Variants in SMG7 observed in about 807,000 individuals in gnomAD.
The protein encoded by SMG7 is SMG7 nonsense mediated mRNA decay factor.
Under a neutral mutation model 148.2 loss-of-function variants are expected in SMG7, and 34 were observed. The ratio of observed to expected loss-of-function variants is 0.23; its 90% confidence interval spans 0.17 to 0.31. SMG7 has a LOEUF of 0.31. Among genes scored for constraint, SMG7 ranks in the 10% least tolerant of loss-of-function variants. The pLI, the probability that SMG7 is intolerant of heterozygous loss-of-function variation, is 1.00. For missense variants in SMG7, 1,114 were observed against 1,408.4 expected (o/e 0.79, Z 3.35); for synonymous variants, 492 against 515.1 (o/e 0.96, Z 0.61).
At position 183,550,866 on chromosome 1, in the gene SMG7, G is replaced by C; in HGVS notation, c.3249G>C (p.Gly1083=). ...CATTCTCCAATTTTGGACCCATTGGGACTCCAGATAACAGGGATAGAAGGA... is the reference window on the plus strand; with the variant it reads ...CATTCTCCAATTTTGGACCCATTGGCACTCCAGATAACAGGGATAGAAGGA... ...SVPFSNFGPI[G]TPDNRDRRTA... The change falls in exon 21 of 23, where the codon GGG becomes GGC. Residue 1083 remains glycine (G), a synonymous_variant. Coordinates refer to ENST00000688051, the MANE Select transcript of SMG7 (RefSeq NM_001375584.1). 6.2e-7 allele frequency: 1 copy of C among 1,614,086 alleles called. No individual in the cohort carries two copies. The highest frequency in any genetic ancestry group is 8.5e-7 in the Non-Finnish European group (1 of 1,179,986).
intron 1 of SMG7, 33 bp downstream of exon 1, chr1:183,472,682 G>C (rs1258369608): frequency 3.8e-5 from 56 of 1,458,326 alleles, no homozygotes; most frequent in Non-Finnish European, 4.8e-5. Context: ...TACGTAGGGG[G>C]AGCGGGCCGC....
chr1:183,537,112 A>C (rs954547357), intron 10 of SMG7, 33 bp from the exon 11 acceptor site: 7 of 1,516,626 alleles, frequency 4.6e-6, no homozygotes, highest in Non-Finnish European at 5.5e-6. Flanking sequence ...TCTTACATAA[A>C]AATAAAGTCT....
intron 2 of SMG7, among the ~76,000 whole-genome samples, chr1:183,514,481 C>T (rs1663010710): frequency 6.6e-6 from 1 of 152,156 alleles, no homozygotes; most frequent in Non-Finnish European, 1.5e-5. Flanking sequence ...AGTGTCTGCT[C>T]TGAGTTACTG....
Position 183,472,637 on chromosome 1 carries a change from C to A in SMG7, c.17C>A (p.Ala6Glu). The A allele has an allele frequency of 6.8e-7, 1 of 1,466,270 alleles. No homozygotes were observed. Among genetic ancestry groups the A allele is most frequent in the Non-Finnish European group, 9.1e-7 (1 of 1,098,992 alleles). 90.8% of individuals were successfully genotyped at this position (1,466,270 alleles called of 1,614,324 possible). A position where few individuals can be genotyped will look rare whatever the true frequency, so the allele number is the denominator to read the frequency against. MSLQSAQYLRQAEVLK... is the reference protein window; with the variant it reads MSLQSEQYLRQAEVLK... The stretch of plus-strand genomic sequence containing the variant: ...CGGCGGAGGATGAGCCTGCAGAGCG[C>A]GCAGTACCTCCGGTGAGTGCCGAGG... The change falls in exon 1 of 23, where the codon GCG (alanine) becomes GAG (glutamate). Residue 6 changes from alanine (A) to glutamate (E), a missense_variant. Physicochemically the swap from Ala to Glu is moderately radical, Grantham distance 107. Around this residue, in one of 4 missense-constraint regions of SMG7, gnomAD observed 216 missense variants for 329.1 expected, o/e 0.66. Transcript: ENST00000688051.
At chr1:183,499,931 C>T (rs1659374627) in intron 1 of SMG7, among the ~76,000 whole-genome samples, 1 of 151,978 alleles carries the variant, frequency 6.6e-6, no homozygotes, top group Non-Finnish European at 1.5e-5. Context: ...CTAAGGTGGT[C>T]TTATCTGACC....
intron 1 of SMG7, among the ~76,000 whole-genome samples, chr1:183,486,162 G>T (rs759172885): frequency 2.6e-5 from 4 of 152,108 alleles, no homozygotes; most frequent in Non-Finnish European, 5.9e-5. Context: ...TAAGAGGAGG[G>T]CTTTCTCTTA....
rs1488105836 is a variant in SMG7, at chr1:183,517,834, T to G, written c.312+14T>G. ...TTCTATACTCAGGTGAGTTCTGCATTGTATACCAGTTTTCTTACTATTAGT... is the reference window on the plus strand; with the variant it reads ...TTCTATACTCAGGTGAGTTCTGCATGGTATACCAGTTTTCTTACTATTAGT... On this transcript the variant is annotated intron_variant, in intron 4 of 22. Coordinates refer to ENST00000688051, the MANE Select transcript of SMG7 (RefSeq NM_001375584.1). 1 of 1,613,520 alleles carries G rather than the reference T, an allele frequency of 6.2e-7. No individual in the cohort carries two copies. The highest frequency in any genetic ancestry group is 8.5e-7 in the Non-Finnish European group (1 of 1,179,488).
chr1:183,552,198 G>A lies in SMG7; in HGVS notation c.*267G>A, dbSNP rs1344764428. The A allele has an allele frequency of 9.0e-7, 1 of 1,105,034 alleles. No individual in the cohort carries two copies. The highest frequency in any genetic ancestry group is 1.6e-5 in the African/African-American group (1 of 61,482). The allele number at this position is 1,105,034 out of a possible 1,614,324, so 68.5% of individuals were successfully genotyped here. ...GCTGTTTATCTCACTCAGTTACTTG[G>A]TATCACCGCCTCTCACCTTCTCCAT... is the stretch of plus-strand genomic sequence containing the variant. On this transcript the variant is annotated 3_prime_UTR_variant, in exon 23 of 23. Transcript: ENST00000688051.
chr1:183,472,543 CGGTGCCGCGGGGCCGCTCCGAG>C lies in SMG7; in HGVS notation c.-76_-55del. 7.6e-7 allele frequency: 1 copy of C among 1,318,650 alleles called. No homozygotes were observed. Among genetic ancestry groups the C allele is most frequent in the Non-Finnish European group, 9.8e-7 (1 of 1,018,340 alleles). The allele number at this position is 1,318,650 out of a possible 1,614,324, so 81.7% of individuals were successfully genotyped here. On this transcript the variant is annotated 5_prime_UTR_variant, in exon 1 of 23. An upstream open reading frame in the 5' UTR loses its in-frame stop. Coordinates refer to ENST00000688051, the MANE Select transcript of SMG7 (RefSeq NM_001375584.1). ...AGATGGCGGCGGCCGCCAGCACCCG[CGGTGCCGCGGGGCCGCTCCGAG>C]GAGCCTGAGAGACCCACGGAGGCTT...
In SMG7 at chr1:183,548,871, A is replaced by G. The variant is rs789179; in HGVS notation, c.2893-337A>G. On this transcript the variant is annotated intron_variant, in intron 18 of 22. Coordinates refer to ENST00000688051, the MANE Select transcript of SMG7 (RefSeq NM_001375584.1). ...AGAAACAGTGTTGGAACAGTTCAGC[A>G]TTTTGTTTTGAGATTAAGTGCAACT... 8.5e-3 allele frequency: 2,454 copies of G among 289,014 alleles called. 61 individuals carry two copies. Among genetic ancestry groups the G allele is most frequent in the African/African-American group, 0.049 (2,253 of 46,302 alleles). 17.9% of individuals were successfully genotyped at this position (289,014 alleles called of 1,614,324 possible).
At chr1:183,483,780 A>T (rs1654747200) in intron 1 of SMG7, among the ~76,000 whole-genome samples, 1 of 152,212 alleles carries the variant, frequency 6.6e-6, no homozygotes, top group Non-Finnish European at 1.5e-5. Context: ...CCATTTTAAG[A>T]ACCACAACTC....
Position 183,546,099 on chromosome 1 carries a change from T to C in SMG7, c.2504T>C (p.Leu835Ser). 1 of 1,614,008 alleles carries C rather than the reference T, an allele frequency of 6.2e-7. No individual in the cohort carries two copies. The highest frequency in any genetic ancestry group is 1.1e-5 in the South Asian group (1 of 91,078). ...CCCATAAAACTGTTTGAGCCGTCAT[T>C]GCAACCTCCTGTAATGCAGCAGCAG... ...QDPIKLFEPS[L>S]QPPVMQQQPL... is the part of the protein sequence containing the mutation. The change falls in exon 17 of 23, where the codon TTG becomes TCG. Residue 835 changes from leucine to serine, a missense_variant. Leu to Ser is a moderately radical substitution (Grantham distance 145). Around this residue, in one of 4 missense-constraint regions of SMG7, gnomAD observed 788 missense variants for 894.5 expected, o/e 0.88. Transcript: ENST00000688051.
At chr1:183,500,106 G>T (rs1659416959) in intron 1 of SMG7, among the ~76,000 whole-genome samples, 1 of 152,106 alleles carries the variant, frequency 6.6e-6, no homozygotes, top group African/African-American at 2.4e-5. Context: ...AGGGGAAATA[G>T]CTTTCCTGTT....
chr1:183,484,197 T>C (rs930121624), intron 1 of SMG7, among the ~76,000 whole-genome samples: 4 of 152,094 alleles, frequency 2.6e-5, no homozygotes, highest in African/African-American at 9.7e-5. Flanking sequence ...CTGTAGGTGC[T>C]CCTTTATATA....
chr1:183,511,266 A>G (rs969705281), intron 1 of SMG7, among the ~76,000 whole-genome samples: 2 of 152,206 alleles, frequency 1.3e-5, no homozygotes, highest in Non-Finnish European at 2.9e-5. Context: ...GTGCTAGTAG[A>G]CAAGGAGTTG....
intron 18 of SMG7, 139 bp downstream of exon 18, chr1:183,547,391 T>C: frequency 1.3e-6 from 1 of 788,752 alleles, no homozygotes; most frequent in South Asian, 2.1e-5. Flanking sequence ...TCTAATTGCC[T>C]AAACCAACCT....
At chr1:183,550,075 A>T in intron 20 of SMG7, 152 bp downstream of exon 20, 2 of 342,972 alleles carry the variant, frequency 5.8e-6, no homozygotes, top group Non-Finnish European at 1.0e-5. Flanking sequence ...AAGGAAATAG[A>T]AAAAAAAAAA....
intron 17 of SMG7, 67 bp from the exon 18 acceptor site, chr1:183,547,036 A>C (rs534642612): frequency 7.0e-7 from 1 of 1,429,742 alleles, no homozygotes; most frequent in African/African-American, 1.4e-5. Flanking sequence ...CCACCTAATT[A>C]TGCTACTATT....
intron 8 of SMG7, 119 bp from the exon 9 acceptor site, chr1:183,533,045 C>T (rs1374972591): frequency 1.3e-6 from 1 of 779,854 alleles, no homozygotes; most frequent in Non-Finnish European, 2.1e-6. Flanking sequence ...GAACCATTTA[C>T]TCATCTGTAA....
Sources: gnomAD v4.1 joint callset for allele counts (sites outside exome capture counted in the v4.1 genomes callset) on GRCh38, gnomAD v4.1.1 for gene constraint, gnomAD v4.1.1 regional missense constraint, MANE v1.5 for transcripts, NCBI Gene and HGNC (gene_info 2026-07-23, HGNC 2026-07-21) for gene names.